CNTNAP2: variants seen among roughly 807,000 people sequenced by gnomAD.
The protein encoded by CNTNAP2 is contactin-associated protein-like 2.
In CNTNAP2, 98 loss-of-function variants were observed where a neutral mutation model predicts 155.2. The observed-to-expected ratio is 0.63, with a 90% CI of 0.54 to 0.75. The LOEUF (loss-of-function observed/expected upper bound fraction) is 0.75. CNTNAP2 is among the 30% of genes least tolerant of loss of function. CNTNAP2 has a pLI of 0.00. For synonymous variants in CNTNAP2, 651 were observed against 631.2 expected, an observed-to-expected ratio of 1.03 and a Z score of -0.47; for missense variants, 1,727 against 1,688.1, an observed-to-expected ratio of 1.02 and a Z score of -0.40.
chr7:146,284,345 TA>T (rs1408570681), intron 1 of CNTNAP2, among the ~76,000 whole-genome samples: 1 of 151,984 alleles, frequency 6.6e-6, no homozygotes, highest in African/African-American at 2.4e-5. Context: ...ATAGACATTT[TA>T]TAATTTATCA....
chr7:147,282,693 C>T (rs1211736859), intron 8 of CNTNAP2, among the ~76,000 whole-genome samples: 1 of 151,778 alleles, frequency 6.6e-6, no homozygotes, highest in Admixed American at 6.6e-5. Flanking sequence ...ATAAAAGAGC[C>T]TTAATCATGG....
intron 21 of CNTNAP2, among the ~76,000 whole-genome samples, chr7:148,353,829 C>T (rs558817961): frequency 7.6e-4 from 116 of 152,306 alleles, no homozygotes; most frequent in Middle Eastern, 3.4e-3. Flanking sequence ...ACAAATTATA[C>T]CTCAATGAAG....
intron 1 of CNTNAP2, among the ~76,000 whole-genome samples, chr7:146,692,472 C>A (rs1472295342): frequency 6.6e-6 from 1 of 152,052 alleles, no homozygotes; most frequent in Non-Finnish European, 1.5e-5. Context: ...AAATTGGGCA[C>A]ACAATTAGCA....
chr7:148,414,111 C>A lies in CNTNAP2; in HGVS notation c.3797-1306C>A, dbSNP rs866783607. Reference sequence around the variant, plus strand: ...TTTTTAGACAGAGTCCCCCCCCCCCCCCTCACACAAGCTGGAGTGCAGTGG... The same window carrying A: ...TTTTTAGACAGAGTCCCCCCCCCCCACCTCACACAAGCTGGAGTGCAGTGG... On this transcript the variant is annotated intron_variant, in intron 23 of 23. Transcript: ENST00000361727. Among the ~76,000 whole-genome samples the A allele has an allele frequency of 5.3e-5, 5 of 93,736 alleles. No individual in the cohort carries two copies. In the South Asian group the frequency reaches 1.6e-3, roughly 30 times the overall value. 61.5% of individuals were successfully genotyped at this position (93,736 alleles called of 152,430 possible).
At chr7:146,728,056 C>A (rs1238125917) in intron 1 of CNTNAP2, among the ~76,000 whole-genome samples, 3 of 152,220 alleles carry the variant, frequency 2.0e-5, no homozygotes, top group Admixed American at 6.5e-5. Flanking sequence ...AAGAGCATCA[C>A]GAGCATGCTC....
intron 13 of CNTNAP2, among the ~76,000 whole-genome samples, chr7:147,640,588 C>A (rs1415562539): frequency 6.6e-6 from 1 of 152,090 alleles, no homozygotes; most frequent in African/African-American, 2.4e-5. Flanking sequence ...TTGTAGGGAG[C>A]AGTTTACAGA....
intron 12 of CNTNAP2, among the ~76,000 whole-genome samples, chr7:147,567,310 A>G (rs1004638194): frequency 6.6e-6 from 1 of 152,212 alleles, no homozygotes; most frequent in Non-Finnish European, 1.5e-5. Context: ...AAATAGGTCA[A>G]CTTACAAAAT....
At chr7:146,918,306 A>G (rs1456100108) in intron 3 of CNTNAP2, among the ~76,000 whole-genome samples, 1 of 151,744 alleles carries the variant, frequency 6.6e-6, no homozygotes, top group Non-Finnish European at 1.5e-5. Context: ...AGGAGATTCT[A>G]TTTTGGTGTG....
intron 1 of CNTNAP2, among the ~76,000 whole-genome samples, chr7:146,228,130 G>C (rs974349780): frequency 1.3e-5 from 2 of 152,206 alleles, no homozygotes; most frequent in Non-Finnish European, 2.9e-5. Context: ...TTTTGAGAGA[G>C]AGAATTCAAA....
chr7:148,250,526 A>G (rs1354923642), intron 20 of CNTNAP2, among the ~76,000 whole-genome samples: 1 of 152,166 alleles, frequency 6.6e-6, no homozygotes, highest in Admixed American at 6.5e-5. Flanking sequence ...TCCTTCCCAC[A>G]CGATGCACTC....
chr7:147,315,490 T>C (rs1403378630), intron 9 of CNTNAP2, among the ~76,000 whole-genome samples: 3 of 139,848 alleles, frequency 2.1e-5, no homozygotes, highest in African/African-American at 7.5e-5. Context: ...TTTTTTTTTT[T>C]TTTTTTTTTG....
At position 147,696,670 on chromosome 7, in the gene CNTNAP2, T is replaced by A. The variant is rs1427093430; in HGVS notation, c.2098+57364T>A. On this transcript the variant is annotated intron_variant, in intron 13 of 23. Transcript: ENST00000361727. ...TCCTCTGAATAACTTCATTTAACAT[T>A]TTTTTTGCAAGTCAGATCTACTGGC... Among the ~76,000 whole-genome samples, 8 of 152,168 alleles carry A rather than the reference T, an allele frequency of 5.3e-5. No individual in the cohort carries two copies. The East Asian group carries it at 9.7e-4, about 18-fold the overall frequency.
chr7:146,602,181 G>T (rs1798960985), intron 1 of CNTNAP2, among the ~76,000 whole-genome samples: 3 of 152,084 alleles, frequency 2.0e-5, no homozygotes, highest in African/African-American at 7.2e-5. Flanking sequence ...ATGTTAATTT[G>T]CACGGAGACC....
At chr7:148,143,038 C>T (rs1404297495) in intron 16 of CNTNAP2, among the ~76,000 whole-genome samples, 1 of 152,160 alleles carries the variant, frequency 6.6e-6, no homozygotes, top group Non-Finnish European at 1.5e-5. Context: ...TCTCTTTTCT[C>T]CCTGTAATGA....
At chr7:146,842,784 CA>C (rs1238061877) in intron 3 of CNTNAP2, among the ~76,000 whole-genome samples, 9 of 151,828 alleles carry the variant, frequency 5.9e-5, no homozygotes, top group Non-Finnish European at 2.9e-5. Flanking sequence ...CTCCCGGTTT[CA>C]CGCCATTCTC....
At chr7:147,849,061 G>C (rs116932967) in intron 13 of CNTNAP2, among the ~76,000 whole-genome samples, 1 of 151,984 alleles carries the variant, frequency 6.6e-6, no homozygotes, top group Non-Finnish European at 1.5e-5. Flanking sequence ...TTCTCCTAGA[G>C]GTATAGTAAA....
At chr7:147,182,810 G>A (rs1282476208) in intron 8 of CNTNAP2, among the ~76,000 whole-genome samples, 3 of 151,928 alleles carry the variant, frequency 2.0e-5, no homozygotes, top group South Asian at 2.1e-4. Context: ...CATATAATGG[G>A]AATAGTTTTA....
At chr7:148,267,156 C>G in intron 21 of CNTNAP2, 30 bp downstream of exon 21, 1 of 1,548,122 alleles carries the variant, frequency 6.5e-7, no homozygotes, top group East Asian at 2.2e-5. Context: ...GGTATAAATG[C>G]GTGCTACAAA....
intron 8 of CNTNAP2, among the ~76,000 whole-genome samples, chr7:147,260,968 T>C (rs572494332): frequency 3.9e-5 from 6 of 152,190 alleles, no homozygotes; most frequent in Non-Finnish European, 7.3e-5. Context: ...AGAATTCCAT[T>C]GCAGCTAAGT....
Sources: allele counts gnomAD v4.1 joint callset (sites outside exome capture counted in the v4.1 genomes callset), GRCh38; gene constraint gnomAD v4.1.1; transcripts MANE v1.5; gene names NCBI Gene and HGNC (gene_info 2026-07-23, HGNC 2026-07-21).